PES1: variants seen among roughly 807,000 people sequenced by gnomAD.
PES1 encodes pescadillo homolog.
Under a neutral mutation model 77.1 loss-of-function variants are expected in PES1, and 31 were observed. The observed-to-expected ratio is 0.40, with a 90% confidence interval of 0.30 to 0.54. The LOEUF is 0.54. PES1 is among the 20% of genes least tolerant of loss of function. PES1 has a pLI of 0.45. For missense variants in PES1, 658 were observed against 771.7 expected, an observed-to-expected ratio of 0.85 and a Z score of 1.75; for synonymous variants, 282 against 303.0, an observed-to-expected ratio of 0.93 and a Z score of 0.72.
intron 4 of PES1, chr22:30,585,183 G>A (rs897827927): frequency 2.2e-6 from 1 of 451,970 alleles, no homozygotes; most frequent in South Asian, 1.6e-5. Context: ...GACTGGGCCT[G>A]GCCACCGGTC....
At chr22:30,599,262 C>CA (rs1322170015) in intron 2 of PES1, among the ~76,000 whole-genome samples, 1 of 150,820 alleles carries the variant, frequency 6.6e-6, no homozygotes, top group Admixed American at 6.6e-5. Context: ...AAAATGTCTT[C>CA]AAAATTGTTA....
intron 6 of PES1, among the ~76,000 whole-genome samples, chr22:30,583,456 G>A (rs950405283): frequency 1.3e-5 from 2 of 152,206 alleles, no homozygotes; most frequent in South Asian, 2.1e-4. Flanking sequence ...GCTGCTCTCC[G>A]CTGAAGGCAC....
rs747611657 is a variant in PES1 at position 30,581,094 on chromosome 22, G to A, written c.830C>T (p.Ala277Val). ...LDSESCMEKL[A>V]ALSASLARVV... ...GCGGGCCAGGCTGGCACTGAGGGCT[G>A]CCAGTTTCTACAGGAGAGAAGGGGG... The change falls in exon 9 of 15, where the codon GCA becomes GTA. Residue 277 changes from alanine (A) to valine (V), a missense_variant. Ala to Val is a moderately conservative substitution (Grantham distance 64). Transcript: ENST00000354694. The A allele has an allele frequency of 1.9e-6, 3 of 1,607,352 alleles. No homozygotes were observed. Among genetic ancestry groups the A allele is most frequent in the Admixed American group, 1.7e-5 (1 of 59,006 alleles).
Position 30,576,890 on chromosome 22 carries a change from C to A in PES1, c.*156G>T. ...CTCCATCCAAGGGAAGCGAGGGCTG[C>A]CCACTGGCCCAGCCAGAGAGCATGA... On this transcript the variant is annotated 3_prime_UTR_variant, in exon 15 of 15. Coordinates refer to ENST00000354694, the MANE Select transcript of PES1 (RefSeq NM_014303.4). 2 of 660,948 alleles carry A rather than the reference C, an allele frequency of 3.0e-6. No homozygotes were observed. Among genetic ancestry groups the A allele is most frequent in the East Asian group, 2.7e-5 (1 of 37,370 alleles). The allele number at this position is 660,948 out of a possible 1,614,324, so 40.9% of individuals were successfully genotyped here. A position where few individuals can be genotyped will look rare whatever the true frequency, so the allele number is the denominator to read the frequency against.
chr22:30,602,189 G>C (rs776290294), intron 2 of PES1, among the ~76,000 whole-genome samples: 1 of 152,148 alleles, frequency 6.6e-6, no homozygotes, highest in Non-Finnish European at 1.5e-5. Flanking sequence ...CTGGATCATG[G>C]AGGTGGTTTC....
intron 6 of PES1, among the ~76,000 whole-genome samples, chr22:30,582,652 C>T (rs1569023055): frequency 6.6e-6 from 1 of 152,130 alleles, no homozygotes; most frequent in African/African-American, 2.4e-5. Flanking sequence ...CCATGGGTGC[C>T]GGGTGTGCCC....
At chr22:30,601,885 G>T (rs1326439327) in intron 2 of PES1, 1 of 151,450 alleles carries the variant, frequency 6.6e-6, no homozygotes, top group Non-Finnish European at 1.5e-5. Context: ...TGATTCTCGT[G>T]CCTCAGCCTC....
In PES1 at chr22:30,588,070, A is replaced by T. The variant is rs2087119402; in HGVS notation, c.209T>A (p.Ile70Asn). 2.5e-6 allele frequency: 4 copies of T among 1,614,154 alleles called. No individual in the cohort carries two copies. Among genetic ancestry groups the T allele is most frequent in the Admixed American group, 1.7e-5 (1 of 60,024 alleles). The change falls in exon 3 of 15, where the codon ATC becomes AAC. Residue 70 changes from isoleucine to asparagine, a missense_variant. Physicochemically the swap from Ile to Asn is moderately radical, Grantham distance 149. Transcript: ENST00000354694. ...AARTFYLIKD[I>N]RFLLHEPIVN... ...AATGGGTTCGTGGAGGAGAAACCTG[A>T]TGTCTTTGATAAGGTAAAACGTTCG...
At chr22:30,586,995 T>G (rs962590561) in intron 4 of PES1, 41 of 382,434 alleles carry the variant, frequency 1.1e-4, no homozygotes, top group African/African-American at 7.6e-4. Flanking sequence ...CATGGAGCCC[T>G]GGGGCTCTCC....
At chr22:30,585,146 G>A (rs1447064595) in intron 4 of PES1, 1 of 415,254 alleles carries the variant, frequency 2.4e-6, no homozygotes, top group African/African-American at 2.1e-5. Flanking sequence ...AGCGGGGTGG[G>A]GGCTGCTTCC....
At chr22:30,603,512 G>T (rs1388365632) in intron 2 of PES1, among the ~76,000 whole-genome samples, 2 of 152,014 alleles carry the variant, frequency 1.3e-5, no homozygotes, top group East Asian at 1.9e-4. Context: ...CTCCCAAGTA[G>T]CTGGGACCAC....
intron 12 of PES1, chr22:30,579,511 C>A: frequency 1.3e-6 from 1 of 787,084 alleles, no homozygotes; most frequent in Non-Finnish European, 2.0e-6. Flanking sequence ...TGAGCTCTGT[C>A]GCCTCCAATG....
In PES1 at chr22:30,584,733, G is replaced by C; in HGVS notation, c.369-16C>G. ...CGTGGGATACCTGCATGGCCAGTGA[G>C]GCAGCACATGGGGCCTGTTCAGCGT... On this transcript the variant is annotated splice_polypyrimidine_tract_variant and intron_variant, in intron 4 of 14. Transcript: ENST00000354694. 1 of 1,612,722 alleles carries C rather than the reference G, an allele frequency of 6.2e-7. No individual in the cohort carries two copies. The highest frequency in any genetic ancestry group is 8.5e-7 in the Non-Finnish European group (1 of 1,179,740).
chr22:30,603,175 G>T (rs1023574534), intron 2 of PES1, among the ~76,000 whole-genome samples: 8 of 149,766 alleles, frequency 5.3e-5, no homozygotes, highest in Non-Finnish European at 1.2e-4. Flanking sequence ...CCTCCCAAAG[G>T]GCTGGGATTT....
chr22:30,584,769 G>C (rs757894082), intron 4 of PES1, 52 bp from the exon 5 acceptor site: 3 of 1,576,182 alleles, frequency 1.9e-6, no homozygotes, highest in Non-Finnish European at 2.6e-6. Context: ...GGGTGCCAAG[G>C]GGGACCCTGA....
intron 2 of PES1, chr22:30,598,246 A>T (rs1241208225): frequency 1.3e-5 from 2 of 152,136 alleles, no homozygotes; most frequent in Non-Finnish European, 2.9e-5. Context: ...GAGACCACGA[A>T]CCCACCAAAA....
intron 6 of PES1, 90 bp from the exon 7 acceptor site, chr22:30,581,734 C>T: frequency 1.1e-6 from 1 of 900,368 alleles, no homozygotes; most frequent in Non-Finnish European, 1.8e-6. Context: ...GGGTGTCTGA[C>T]CTACCCAAAG....
At chr22:30,586,777 C>G (rs1251632763) in intron 4 of PES1, among the ~76,000 whole-genome samples, 1 of 152,206 alleles carries the variant, frequency 6.6e-6, no homozygotes, top group Non-Finnish European at 1.5e-5. Context: ...TGGGGAAACC[C>G]AGTCTCTACT....
At chr22:30,579,700 C>T (rs763332813) in intron 12 of PES1, 51 bp downstream of exon 12, 5 of 1,559,576 alleles carry the variant, frequency 3.2e-6, no homozygotes, top group Non-Finnish European at 4.4e-6. Flanking sequence ...CTAAGGGAAA[C>T]AGCCAGCGTG....
Sources: gnomAD v4.1 joint callset for allele counts (sites outside exome capture counted in the v4.1 genomes callset) on GRCh38, gnomAD v4.1.1 for gene constraint, MANE v1.5 for transcripts, NCBI Gene and HGNC (gene_info 2026-07-23, HGNC 2026-07-21) for gene names.